The following GPC5 variants were observed in gnomAD, a reference collection of about 807,000 sequenced individuals.
GPC5 encodes glypican-5.
In GPC5, 47 loss-of-function variants were observed where a neutral mutation model predicts 53.9. The ratio of observed to expected loss-of-function variants is 0.87; its 90% CI spans 0.69 to 1.11. GPC5 has a LOEUF of 1.11. GPC5 is among the 50% of genes most tolerant of loss of function. The pLI, the probability that GPC5 is intolerant of heterozygous loss-of-function variation, is 0.00. For missense variants in GPC5, 748 were observed against 713.1 expected (o/e 1.05, Z -0.56); for synonymous variants, 286 against 263.3 (o/e 1.09, Z -0.84).
At chr13:91,828,634 T>C (rs191023173) in intron 5 of GPC5, among the ~76,000 whole-genome samples, 56 of 152,074 alleles carry the variant, frequency 3.7e-4, no homozygotes, top group African/African-American at 1.3e-3. Flanking sequence ...GTAAATGCTT[T>C]CTCAAAGAAT....
chr13:92,385,431 TA>T (rs1403213045), intron 7 of GPC5, among the ~76,000 whole-genome samples: 1 of 83,350 alleles, frequency 1.2e-5, no homozygotes, highest in Non-Finnish European at 2.4e-5. Flanking sequence ...CATATATACA[TA>T]TATACATATA....
chr13:92,017,529 G>A (rs1190583176), intron 6 of GPC5, among the ~76,000 whole-genome samples: 1 of 152,106 alleles, frequency 6.6e-6, no homozygotes, highest in Admixed American at 6.6e-5. Context: ...TATACATAAA[G>A]TCCCCACCTT....
chr13:92,185,610 C>T (rs2042178509), intron 7 of GPC5, among the ~76,000 whole-genome samples: 1 of 151,966 alleles, frequency 6.6e-6, no homozygotes, highest in African/African-American at 2.4e-5. Context: ...CTCACAGAAC[C>T]AGAAAATAAT....
At chr13:92,695,698 T>TGAG (rs1404459203) in intron 7 of GPC5, among the ~76,000 whole-genome samples, 1 of 151,228 alleles carries the variant, frequency 6.6e-6, no homozygotes, top group East Asian at 1.9e-4. Flanking sequence ...AAAAATTTTA[T>TGAG]GAGTTTTTTT....
At chr13:91,774,552 TA>T (rs2037678359) in intron 5 of GPC5, among the ~76,000 whole-genome samples, 1 of 152,150 alleles carries the variant, frequency 6.6e-6, no homozygotes, top group Non-Finnish European at 1.5e-5. Flanking sequence ...AATCAGTCCG[TA>T]AGGAATTATA....
At chr13:92,448,338 G>A (rs1326986673) in intron 7 of GPC5, 1 of 151,992 alleles carries the variant, frequency 6.6e-6, no homozygotes, top group Middle Eastern at 3.2e-3. Context: ...TTAAAATATA[G>A]CAAATGAATG....
chr13:92,863,523 C>T (rs1164572800), intron 7 of GPC5, among the ~76,000 whole-genome samples: 2 of 152,066 alleles, frequency 1.3e-5, no homozygotes, highest in Non-Finnish European at 2.9e-5. Context: ...GATGGAGTTT[C>T]GTTCTTGCTG....
chr13:92,757,464 A>G (rs570750684), intron 7 of GPC5, among the ~76,000 whole-genome samples: 3 of 152,344 alleles, frequency 2.0e-5, no homozygotes, highest in South Asian at 2.1e-4. Context: ...TGGCAACAGA[A>G]GCCAAAATTG....
chr13:91,866,687 C>T (rs1453874654), intron 5 of GPC5, among the ~76,000 whole-genome samples: 4 of 152,138 alleles, frequency 2.6e-5, no homozygotes, highest in Non-Finnish European at 2.9e-5. Flanking sequence ...ATAAATTACC[C>T]GGTCCCAGGT....
chr13:92,752,410 T>C (rs1889429235), intron 7 of GPC5, among the ~76,000 whole-genome samples: 1 of 152,188 alleles, frequency 6.6e-6, no homozygotes. Flanking sequence ...ATGGAAATAG[T>C]AATTGCACTA....
intron 7 of GPC5, among the ~76,000 whole-genome samples, chr13:92,205,744 C>G (rs943616966): frequency 6.6e-6 from 1 of 152,112 alleles, no homozygotes; most frequent in Non-Finnish European, 1.5e-5. Flanking sequence ...AACAGTGATA[C>G]GTTTATAAAA....
At chr13:91,511,831 A>ATAT (rs985504691) in intron 2 of GPC5, among the ~76,000 whole-genome samples, 1 of 152,020 alleles carries the variant, frequency 6.6e-6, no homozygotes, top group African/African-American at 2.4e-5. Flanking sequence ...TCTTGGGCGT[A>ATAT]TATGAACCTT....
At chr13:92,275,143 T>C (rs946387357) in intron 7 of GPC5, among the ~76,000 whole-genome samples, 1 of 152,276 alleles carries the variant, frequency 6.6e-6, no homozygotes, top group South Asian at 2.1e-4. Context: ...TTCAAAATAT[T>C]TTCATAAAAC....
chr13:92,779,749 A>T (rs1189618299), intron 7 of GPC5, among the ~76,000 whole-genome samples: 2 of 152,178 alleles, frequency 1.3e-5, no homozygotes, highest in Non-Finnish European at 2.9e-5. Context: ...AGGTATACAC[A>T]TTCAAAGGTT....
At chr13:92,061,099 G>A (rs908625175) in intron 6 of GPC5, among the ~76,000 whole-genome samples, 7 of 30,368 alleles carry the variant, frequency 2.3e-4, no homozygotes, top group East Asian at 7.8e-3. Flanking sequence ...GGTGCTGTTA[G>A]ATAATACATA....
At chr13:92,341,284 G>C (rs2043364369) in intron 7 of GPC5, among the ~76,000 whole-genome samples, 1 of 152,040 alleles carries the variant, frequency 6.6e-6, no homozygotes, top group Non-Finnish European at 1.5e-5. Flanking sequence ...AGCACGTATG[G>C]AGAAAATAAA....
chr13:91,718,871 G>A (rs2036404409), intron 3 of GPC5, among the ~76,000 whole-genome samples: 1 of 151,926 alleles, frequency 6.6e-6, no homozygotes, highest in Non-Finnish European at 1.5e-5. Flanking sequence ...CCATTGAGAT[G>A]GTGTTTCTAT....
chr13:91,570,211 T>A lies in GPC5; in HGVS notation c.325+121289T>A, dbSNP rs550748740. Among the ~76,000 whole-genome samples, 3 of 152,306 alleles carry A rather than the reference T, an allele frequency of 2.0e-5. No individual in the cohort carries two copies. In the East Asian group the frequency reaches 5.8e-4, roughly 29 times the overall value. ...ACATCAGAAAGTTAATGTTTTTTTC[T>A]TATTGAGATTATGCATTTAAAAATT... On this transcript the variant is annotated intron_variant, in intron 2 of 7. Coordinates refer to ENST00000377067, the MANE Select transcript of GPC5 (RefSeq NM_004466.6).
intron 4 of GPC5, among the ~76,000 whole-genome samples, chr13:91,731,260 C>G (rs1223691372): frequency 1.3e-5 from 2 of 152,194 alleles, no homozygotes; most frequent in Non-Finnish European, 2.9e-5. Flanking sequence ...GAGTCACCCT[C>G]TGACTCTGTT....
Sources: gnomAD v4.1 joint callset for allele counts (sites outside exome capture counted in the v4.1 genomes callset) on GRCh38, gnomAD v4.1.1 for gene constraint, MANE v1.5 for transcripts, NCBI Gene and HGNC (gene_info 2026-07-23, HGNC 2026-07-21) for gene names.